SIN3B: variants seen among roughly 807,000 people sequenced by gnomAD.
SIN3B encodes the protein SIN3 transcription regulator family member B.
A neutral mutation model predicts 120.2 loss-of-function variants in SIN3B; 19 were observed. The ratio of observed to expected loss-of-function variants is 0.16; its 90% CI spans 0.11 to 0.23. The LOEUF (loss-of-function observed/expected upper bound fraction) is 0.23. SIN3B is among the 10% of genes least tolerant of loss of function. The probability of loss-of-function intolerance (pLI) is 1.00; values close to 1 mark genes in which losing one functional copy is unlikely to be tolerated. For missense variants in SIN3B, 1,073 were observed against 1,573.0 expected (o/e 0.68, Z 5.38); for synonymous variants, 654 against 653.2 (o/e 1.00, Z -0.02).
intron 4 of SIN3B, among the ~76,000 whole-genome samples, chr19:16,842,475 T>C (rs1243380845): frequency 7.0e-6 from 1 of 143,450 alleles, no homozygotes; most frequent in Non-Finnish European, 1.5e-5. Context: ...GGTGTAATAA[T>C]AGCTCACTGC....
At chr19:16,854,455 TG>T (rs1443218872) in intron 8 of SIN3B, 194 bp downstream of exon 8, 5 of 547,370 alleles carry the variant, frequency 9.1e-6, no homozygotes, top group Non-Finnish European at 3.2e-6. Flanking sequence ...ACCCTCCAGC[TG>T]GTTCCTTTAC....
intron 10 of SIN3B, 25 bp downstream of exon 10, chr19:16,863,821 C>G (rs746600691): frequency 6.5e-7 from 1 of 1,539,340 alleles, no homozygotes; most frequent in Non-Finnish European, 9.0e-7. Context: ...GTGGCCGGGT[C>G]CCCCGGCATG....
Position 16,865,314 on chromosome 19 carries a change from C to A in SIN3B, c.1384-96C>A, listed in dbSNP as rs532067099. On this transcript the variant is annotated intron_variant, in intron 10 of 18. Coordinates refer to ENST00000248054, the MANE Select transcript of SIN3B (RefSeq NM_001297595.2). ...ATCTCTTAAATACACACACCCCCCCCCCAAAAAAATCCTCTGGTCTCTGAG... is the reference window on the plus strand; with the variant it reads ...ATCTCTTAAATACACACACCCCCCCACCAAAAAAATCCTCTGGTCTCTGAG... 48 of 550,312 alleles carry A rather than the reference C, an allele frequency of 8.7e-5. 4 individuals carry two copies. The highest frequency in any genetic ancestry group is 1.2e-4 in the Non-Finnish European group (37 of 302,468). 34.1% of individuals were successfully genotyped at this position (550,312 alleles called of 1,614,324 possible). A position where few individuals can be genotyped will look rare whatever the true frequency, so the allele number is the denominator to read the frequency against.
rs1431394931 is a variant in SIN3B, at chr19:16,869,456, A to G, written c.1807-4A>G. 1.3e-6 allele frequency: 2 copies of G among 1,599,580 alleles called. No individual in the cohort carries two copies. The highest frequency in any genetic ancestry group is 2.7e-5 in the African/African-American group (2 of 74,662). ...CCACCTAATGGCCGCCCTTCCCCCC[A>G]CAGCACCAGGAGCAGCACTCGGAGG... On this transcript the variant is annotated splice_region_variant and splice_polypyrimidine_tract_variant and intron_variant, in intron 12 of 18. Coordinates refer to ENST00000248054, the MANE Select transcript of SIN3B (RefSeq NM_001297595.2).
rs1331825309 is a variant in SIN3B at position 16,876,276 on chromosome 19, C to G, written c.2766+48C>G. 1 of 1,574,510 alleles carries G rather than the reference C, an allele frequency of 6.4e-7. No individual in the cohort carries two copies. Among genetic ancestry groups the G allele is most frequent in the South Asian group, 1.2e-5 (1 of 86,424 alleles). On this transcript the variant is annotated intron_variant, in intron 15 of 18. Coordinates refer to ENST00000248054, the MANE Select transcript of SIN3B (RefSeq NM_001297595.2). This position sits in a 1 kb window ranked among gnomAD's most constrained non-coding sequence, Gnocchi z 7.1. ...GAACACGCCGGGAGGCCCGGCCGCT[C>G]ACTCCGCTCTGGACTCAGTCCTGGG...
intron 9 of SIN3B, chr19:16,863,105 GAGTTGAGTAT>G (rs756541193): frequency 2.8e-5 from 20 of 721,112 alleles, no homozygotes; most frequent in Non-Finnish European, 4.1e-5. Context: ...CACAAAGGCA[GAGTTGAGTAT>G]TCATCTGGGA....
chr19:16,877,356 G>A (rs1411601856), intron 16 of SIN3B, 189 bp from the exon 17 acceptor site: 2 of 580,456 alleles, frequency 3.4e-6, no homozygotes, highest in Non-Finnish European at 6.2e-6. Context: ...CTGTCACTGG[G>A]TCCTCTGTCA....
intron 8 of SIN3B, among the ~76,000 whole-genome samples, chr19:16,861,327 CTT>C (rs1971685151): frequency 6.6e-6 from 1 of 152,180 alleles, no homozygotes; most frequent in East Asian, 1.9e-4. Context: ...GCCAGTGAAA[CTT>C]TATTTACAAT....
intron 1 of SIN3B, 61 bp downstream of exon 1, chr19:16,829,601 C>A: frequency 8.0e-7 from 1 of 1,257,176 alleles, no homozygotes; most frequent in Non-Finnish European, 1.0e-6. Flanking sequence ...GGGCGGGCGC[C>A]CCTCACCCAG....
rs1177958785 is a variant in SIN3B at position 16,869,998 on chromosome 19, A to C, written c.2345A>C (p.Glu782Ala). Reference sequence around the variant, plus strand: ...CTTCTGGAGTATCGGACCGAGAAGGAGCGGGAGAAGCTGCTGTGTGAGGGC... The same window carrying C: ...CTTCTGGAGTATCGGACCGAGAAGGCGCGGGAGAAGCTGCTGTGTGAGGGC... ...KQLLEYRTEK[E>A]REKLLCEGRR... is the part of the protein sequence containing the mutation. The change falls in exon 13 of 19, where the codon GAG becomes GCG. Residue 782 changes from glutamate to alanine, a missense_variant. By Grantham distance (107) the Glu-to-Ala change is moderately radical. This residue lies in a region of SIN3B where 52 missense variants were observed against 68.8 expected (regional missense o/e 0.76). Coordinates refer to ENST00000248054, the MANE Select transcript of SIN3B (RefSeq NM_001297595.2). The C allele has an allele frequency of 5.6e-6, 9 of 1,613,776 alleles. No individual in the cohort carries two copies. The highest frequency in any genetic ancestry group is 7.6e-6 in the Non-Finnish European group (9 of 1,179,982).
At chr19:16,852,874 G>C (rs1366847839) in intron 6 of SIN3B, among the ~76,000 whole-genome samples, 195 bp from the exon 7 acceptor site, 1 of 152,188 alleles carries the variant, frequency 6.6e-6, no homozygotes, top group African/African-American at 2.4e-5. Context: ...AGATTTGGCA[G>C]TGGCAGGTAT....
chr19:16,866,176 G>A (rs897783108), intron 11 of SIN3B, among the ~76,000 whole-genome samples, 197 bp from the exon 12 acceptor site: 4 of 152,150 alleles, frequency 2.6e-5, no homozygotes, highest in African/African-American at 9.7e-5. Context: ...CCGGGAAGCC[G>A]GCCACATTGG....
chr19:16,839,428 T>G (rs892279634), intron 3 of SIN3B, among the ~76,000 whole-genome samples: 15 of 152,192 alleles, frequency 9.9e-5, no homozygotes, highest in Non-Finnish European at 1.8e-4. Flanking sequence ...CATCTGGCTC[T>G]TTTTGCCAAG....
intron 14 of SIN3B, among the ~76,000 whole-genome samples, chr19:16,871,822 G>A (rs1018735962): frequency 6.6e-6 from 1 of 152,100 alleles, no homozygotes; most frequent in Non-Finnish European, 1.5e-5. Flanking sequence ...TGGACATCTG[G>A]GCTGTGGCTG....
At chr19:16,840,691 C>T (rs1020988218) in intron 3 of SIN3B, among the ~76,000 whole-genome samples, 4 of 152,220 alleles carry the variant, frequency 2.6e-5, no homozygotes, top group Non-Finnish European at 4.4e-5. Flanking sequence ...ACAGTGAAGT[C>T]TGTGTGTCCC....
At chr19:16,832,860 G>A (rs1971297490) in intron 3 of SIN3B, among the ~76,000 whole-genome samples, 1 of 152,040 alleles carries the variant, frequency 6.6e-6, no homozygotes, top group East Asian at 1.9e-4. Context: ...GCGCCTCTGA[G>A]AAAAAGAAAG....
At position 16,829,806 on chromosome 19, in the gene SIN3B, A is replaced by C; in HGVS notation, c.136A>C (p.Thr46Pro). The C allele has an allele frequency of 6.2e-7, 1 of 1,611,626 alleles. No individual in the cohort carries two copies. The part of the protein sequence containing the change: ...KLPVHVEDAL[T>P]YLDQVKIRFG... ...CTCTCTGCAGGTAGAAGACGCCCTC[A>C]CCTATCTGGACCAGGTGAAGATCCG... is the stretch of plus-strand genomic sequence containing the variant. The change falls in exon 2 of 19, where the codon ACC (threonine) becomes CCC (proline). Residue 46 changes from threonine (T) to proline (P), a missense_variant. Transcript: ENST00000248054.
rs567534991 is a variant in SIN3B at position 16,875,056 on chromosome 19, G to A, written c.2593-999G>A. On this transcript the variant is annotated intron_variant, in intron 14 of 18. Coordinates refer to ENST00000248054, the MANE Select transcript of SIN3B (RefSeq NM_001297595.2). ...TCTGGTCTGGTCTGGTTTTGGTCTG[G>A]TTTGGTTTGGTTTTGGTTTGGTCTG... Among the ~76,000 whole-genome samples, 4 of 151,274 alleles carry A rather than the reference G, an allele frequency of 2.6e-5. No individual in the cohort carries two copies. The South Asian group carries it at 6.3e-4, about 24-fold the overall frequency.
At chr19:16,864,873 C>T (rs1431910052) in intron 10 of SIN3B, among the ~76,000 whole-genome samples, 3 of 149,840 alleles carry the variant, frequency 2.0e-5, no homozygotes, top group African/African-American at 4.9e-5. Flanking sequence ...TTCACTCTGT[C>T]GCCCAGGCTG....
Sources: gnomAD v4.1 joint callset for allele counts (sites outside exome capture counted in the v4.1 genomes callset) on GRCh38, gnomAD v4.1.1 for gene constraint, gnomAD v4.1.1 regional missense constraint, Gnocchi (gnomAD v3.1) non-coding constraint, MANE v1.5 for transcripts, NCBI Gene and HGNC (gene_info 2026-07-23, HGNC 2026-07-21) for gene names.